NTNG2: variants seen among roughly 807,000 people sequenced by gnomAD.
NTNG2 encodes netrin G2.
A neutral mutation model predicts 47.6 loss-of-function variants in NTNG2; 15 were observed. That is an observed-to-expected ratio of 0.32 (90% confidence interval 0.21 to 0.49). The LOEUF (loss-of-function observed/expected upper bound fraction) is 0.49. Among genes scored for constraint, NTNG2 ranks in the 20% least tolerant of loss-of-function variants. The pLI is 0.99. For synonymous variants in NTNG2, 307 were observed against 324.6 expected (o/e 0.95, Z 0.58); for missense variants, 578 against 764.6 (o/e 0.76, Z 2.88).
At position 132,197,389 on chromosome 9, in the gene NTNG2, A is replaced by G. The variant is rs1298780528; in HGVS notation, c.214-577A>G. On this transcript the variant is annotated intron_variant, in intron 2 of 7. Transcript: ENST00000393229. This position sits in a 1 kb window ranked among gnomAD's most constrained non-coding sequence, Gnocchi z 4.3. The stretch of plus-strand genomic sequence containing the variant: ...GGGAAACATAGCAAGACTCCATCTC[A>G]ATAAAAAAATAAAATTAAAATTAAA... 6.6e-6 allele frequency among the ~76,000 whole-genome samples: 1 copy of G among 152,196 alleles called. No individual in the cohort carries two copies. Among genetic ancestry groups the G allele is most frequent in the Non-Finnish European group, 1.5e-5 (1 of 68,032 alleles).
rs1160593592 is a variant in NTNG2 at position 132,180,934 on chromosome 9, C to T, written c.213+13890C>T. On this transcript the variant is annotated intron_variant, in intron 2 of 7. Coordinates refer to ENST00000393229, the MANE Select transcript of NTNG2 (RefSeq NM_032536.4). The surrounding 1 kb of genome is among the most constrained non-coding windows in gnomAD (Gnocchi z 4.2). The stretch of plus-strand genomic sequence containing the variant: ...ACACACACATATAAGGTTGCAAACA[C>T]TTTCAGGGACTTCCCAGATTTCTCT... Among the ~76,000 whole-genome samples, 2 of 152,224 alleles carry T rather than the reference C, an allele frequency of 1.3e-5. No homozygotes were observed. The highest frequency in any genetic ancestry group is 6.5e-5 in the Admixed American group (1 of 15,292).
In NTNG2 at chr9:132,215,075, A is replaced by AT. The variant is rs1203294767; in HGVS notation, c.858-11772dup. Among the ~76,000 whole-genome samples the AT allele has an allele frequency of 1.3e-5, 1 of 76,044 alleles. No homozygotes were observed. The highest frequency in any genetic ancestry group is 4.4e-4 in the East Asian group (1 of 2,270). 49.9% of individuals were successfully genotyped at this position (76,044 alleles called of 152,430 possible). ...TGTTTTTTTTAATTTTTTTGTAGAGATTGGGGGGGGGGGTCTCACTTTCTT... is the reference window on the plus strand; with the variant it reads ...TGTTTTTTTTAATTTTTTTGTAGAGATTTGGGGGGGGGGGTCTCACTTTCTT... On this transcript the variant is annotated intron_variant, in intron 3 of 7. Coordinates refer to ENST00000393229, the MANE Select transcript of NTNG2 (RefSeq NM_032536.4). The surrounding 1 kb of genome is among the most constrained non-coding windows in gnomAD (Gnocchi z 4.2).
Position 132,226,767 on chromosome 9 carries a change from TG to T in NTNG2, c.858-79del. 1 of 1,315,192 alleles carries T rather than the reference TG, an allele frequency of 7.6e-7. No homozygotes were observed. The highest frequency in any genetic ancestry group is 1.0e-6 in the Non-Finnish European group (1 of 981,050). The allele number at this position is 1,315,192 out of a possible 1,614,324, so 81.5% of individuals were successfully genotyped here. A position where few individuals can be genotyped will look rare whatever the true frequency, so the allele number is the denominator to read the frequency against. On this transcript the variant is annotated intron_variant, in intron 3 of 7. Transcript: ENST00000393229. The surrounding 1 kb of genome is among the most constrained non-coding windows in gnomAD (Gnocchi z 4.8). ...GCCCAACACCCTCCTGGGCCCCTCCTGGGAGGCGCTCCTTTCCCCAGAGGCC... is the reference window on the plus strand; with the variant it reads ...GCCCAACACCCTCCTGGGCCCCTCCTGGAGGCGCTCCTTTCCCCAGAGGCC...
At chr9:132,212,414 G>A (rs1422346643) in intron 3 of NTNG2, among the ~76,000 whole-genome samples, 1 of 152,222 alleles carries the variant, frequency 6.6e-6, no homozygotes, top group Non-Finnish European at 1.5e-5. Flanking sequence ...GACTGAGGAG[G>A]TGAGGTATGT....
intron 4 of NTNG2, among the ~76,000 whole-genome samples, chr9:132,227,785 G>A (rs533640402): frequency 3.4e-4 from 52 of 152,242 alleles, no homozygotes; most frequent in African/African-American, 1.1e-3. Flanking sequence ...CCACCCACCC[G>A]GGCGCGCTAG....
Position 132,182,754 on chromosome 9 carries a change from C to T in NTNG2, c.214-15212C>T, listed in dbSNP as rs1483864530. ...ACACTTGGGGCAGTCTTCTCGAAGG[C>T]CTCAAGCCCAGCGGGCAGCTATGAC... On this transcript the variant is annotated intron_variant, in intron 2 of 7. Coordinates refer to ENST00000393229, the MANE Select transcript of NTNG2 (RefSeq NM_032536.4). This position sits in a 1 kb window ranked among gnomAD's most constrained non-coding sequence, Gnocchi z 4.2. Among the ~76,000 whole-genome samples, 1 of 152,188 alleles carries T rather than the reference C, an allele frequency of 6.6e-6. No individual in the cohort carries two copies. The highest frequency in any genetic ancestry group is 1.5e-5 in the Non-Finnish European group (1 of 68,026).
intron 3 of NTNG2, among the ~76,000 whole-genome samples, chr9:132,209,797 T>G: frequency 1.4e-5 from 2 of 143,630 alleles, no homozygotes; most frequent in African/African-American, 2.6e-5. Flanking sequence ...AGCAGAGAGA[T>G]GGGGTGTGAG....
In NTNG2 at chr9:132,162,834, G is replaced by A. The variant is rs1318886169; in HGVS notation, c.-484+595G>A. 6.6e-6 allele frequency among the ~76,000 whole-genome samples: 1 copy of A among 152,060 alleles called. No homozygotes were observed. The highest frequency in any genetic ancestry group is 2.4e-5 in the African/African-American group (1 of 41,414). ...TTCTCCCGGCGCCGGGAGGGGGTCG[G>A]GAGGTGAGGGGGCGCAGGCACTGGT... On this transcript the variant is annotated intron_variant, in intron 1 of 7. Coordinates refer to ENST00000393229, the MANE Select transcript of NTNG2 (RefSeq NM_032536.4). This position sits in a 1 kb window ranked among gnomAD's most constrained non-coding sequence, Gnocchi z 4.6.
intron 2 of NTNG2, among the ~76,000 whole-genome samples, chr9:132,181,922 A>G (rs1836974189): frequency 6.6e-6 from 1 of 152,180 alleles, no homozygotes; most frequent in Admixed American, 6.5e-5. Flanking sequence ...GTCGCTCTGG[A>G]TCTCAGAAAG....
chr9:132,223,283 G>C (rs1162391289), intron 3 of NTNG2, among the ~76,000 whole-genome samples: 2 of 152,182 alleles, frequency 1.3e-5, no homozygotes, highest in African/African-American at 2.4e-5. Context: ...AGGGGCCGCT[G>C]TTTCCCCACC....
In NTNG2 at chr9:132,162,824, G is replaced by A. The variant is rs771185910; in HGVS notation, c.-484+585G>A. Among the ~76,000 whole-genome samples, 39 of 152,174 alleles carry A rather than the reference G, an allele frequency of 2.6e-4. No homozygotes were observed. Among genetic ancestry groups the A allele is most frequent in the Non-Finnish European group, 5.7e-4 (39 of 67,978 alleles). On this transcript the variant is annotated intron_variant, in intron 1 of 7. Transcript: ENST00000393229. The surrounding 1 kb of genome is among the most constrained non-coding windows in gnomAD (Gnocchi z 4.6). ...GGCTGGAAACTTCTCCCGGCGCCGGGAGGGGGTCGGGAGGTGAGGGGGCGC... is the reference window on the plus strand; with the variant it reads ...GGCTGGAAACTTCTCCCGGCGCCGGAAGGGGGTCGGGAGGTGAGGGGGCGC...
At chr9:132,204,554 CAG>C (rs1233654080) in intron 3 of NTNG2, among the ~76,000 whole-genome samples, 3 of 152,264 alleles carry the variant, frequency 2.0e-5, no homozygotes, top group African/African-American at 4.8e-5. Flanking sequence ...ACAGGAAAAA[CAG>C]GGGCAAGAAG....
chr9:132,195,981 G>C (rs1474176788), intron 2 of NTNG2, among the ~76,000 whole-genome samples: 2 of 150,838 alleles, frequency 1.3e-5, no homozygotes, highest in African/African-American at 4.9e-5. Context: ...GTGTTGCCTG[G>C]GCCGATCTCA....
chr9:132,204,387 T>C (rs1839009715), intron 3 of NTNG2, among the ~76,000 whole-genome samples: 1 of 152,060 alleles, frequency 6.6e-6, no homozygotes, highest in African/African-American at 2.4e-5. Flanking sequence ...GCCCCGTAAC[T>C]GGAGATGGAC....
At chr9:132,192,653 T>C (rs907913101) in intron 2 of NTNG2, among the ~76,000 whole-genome samples, 4 of 151,994 alleles carry the variant, frequency 2.6e-5, no homozygotes, top group African/African-American at 9.7e-5. Context: ...ACTGTGTTTG[T>C]AGAGGAAAAG....
intron 3 of NTNG2, among the ~76,000 whole-genome samples, chr9:132,202,141 G>C (rs535812076): frequency 6.6e-6 from 1 of 152,196 alleles, no homozygotes. Flanking sequence ...GCGATCCCAC[G>C]GGACTCCCCT....
chr9:132,183,879 G>A (rs1837134812), intron 2 of NTNG2, among the ~76,000 whole-genome samples: 1 of 152,136 alleles, frequency 6.6e-6, no homozygotes, highest in South Asian at 2.1e-4. Flanking sequence ...TGGTTTGTTT[G>A]TTAGCTTTCA....
At chr9:132,241,410 G>T (rs1251660099) in intron 7 of NTNG2, 11 of 365,694 alleles carry the variant, frequency 3.0e-5, no homozygotes, top group African/African-American at 2.2e-4. Context: ...CCGAGGGGCG[G>T]GTCCAAGAGC....
chr9:132,175,324 G>A (rs1048464629), intron 2 of NTNG2, among the ~76,000 whole-genome samples: 4 of 152,226 alleles, frequency 2.6e-5, no homozygotes, highest in African/African-American at 9.7e-5. Flanking sequence ...GGGTTAGGAA[G>A]GATTAGGCCA....
Sources: allele counts gnomAD v4.1 joint callset (sites outside exome capture counted in the v4.1 genomes callset), GRCh38; gene constraint gnomAD v4.1.1; non-coding constraint Gnocchi (gnomAD v3.1); transcripts MANE v1.5; gene names NCBI Gene and HGNC (gene_info 2026-07-23, HGNC 2026-07-21).